The following LAMA2 variants were observed in gnomAD, a reference collection of about 807,000 sequenced individuals.
The protein encoded by LAMA2 is laminin subunit alpha-2.
LAMA2 carries 269 observed loss-of-function variants against 364.8 expected under a neutral mutation model. The observed-to-expected ratio is 0.74, with a 90% CI of 0.67 to 0.82. The LOEUF is 0.82. Among genes scored for constraint, LAMA2 ranks in the 40% least tolerant of loss-of-function variants. The pLI is 0.00. For missense variants in LAMA2, 3,807 were observed against 3,873.2 expected, an observed-to-expected ratio of 0.98 and a Z score of 0.45; for synonymous variants, 1,379 against 1,370.6, an observed-to-expected ratio of 1.01 and a Z score of -0.14.
At chr6:129,241,226 T>G (rs145012568) in intron 12 of LAMA2, among the ~76,000 whole-genome samples, 1 of 152,216 alleles carries the variant, frequency 6.6e-6, no homozygotes, top group Non-Finnish European at 1.5e-5. Context: ...CAGATACTTA[T>G]GCAAGATCTA....
At chr6:128,990,337 ACT>A (rs1783533143) in intron 1 of LAMA2, among the ~76,000 whole-genome samples, 1 of 152,200 alleles carries the variant, frequency 6.6e-6, no homozygotes, top group African/African-American at 2.4e-5. Flanking sequence ...TTGTATTCTA[ACT>A]CACAGGAATA....
chr6:129,393,248 C>T lies in LAMA2; in HGVS notation c.5438C>T (p.Ala1813Val). The change falls in exon 37 of 65, where the codon GCA becomes GTA. Residue 1813 changes from alanine (A) to valine (V), a missense_variant. Around this residue, in one of 3 missense-constraint regions of LAMA2, gnomAD observed 3,333 missense variants for 3,345.7 expected, o/e 1.00. Transcript: ENST00000421865. ...GCAGTAAATCAGAAAAACATGACTGCATTGGAGGTGAGTCTTAGGGGCACT... is the reference window on the plus strand; with the variant it reads ...GCAGTAAATCAGAAAAACATGACTGTATTGGAGGTGAGTCTTAGGGGCACT... ...LFAVNQKNMT[A>V]LEKKKEAVES... 1.2e-6 allele frequency: 2 copies of T among 1,612,296 alleles called. No individual in the cohort carries two copies. The highest frequency in any genetic ancestry group is 1.7e-6 in the Non-Finnish European group (2 of 1,178,514).
chr6:129,410,964 C>G (rs1780512122), intron 40 of LAMA2, among the ~76,000 whole-genome samples: 1 of 152,104 alleles, frequency 6.6e-6, no homozygotes, highest in Non-Finnish European at 1.5e-5. Flanking sequence ...TGTCCCAGCT[C>G]AATCTGTAAG....
chr6:128,894,762 T>C lies in LAMA2; in HGVS notation c.112+11405T>C, dbSNP rs1237228683. Among the ~76,000 whole-genome samples the C allele has an allele frequency of 3.3e-5, 5 of 152,328 alleles. No homozygotes were observed. In the East Asian group the frequency reaches 5.8e-4, roughly 18 times the overall value. ...TCTGGGAGTGTGTGGTGGTGAAAAC[T>C]AAACTGACCACTAGCATGGTTTAGT... On this transcript the variant is annotated intron_variant, in intron 1 of 64. Transcript: ENST00000421865.
intron 40 of LAMA2, among the ~76,000 whole-genome samples, chr6:129,404,614 T>C (rs961773772): frequency 4.6e-5 from 7 of 152,290 alleles, no homozygotes; most frequent in Non-Finnish European, 7.4e-5. Context: ...AGTTGTGTGA[T>C]AGTAAGTTGG....
intron 22 of LAMA2, among the ~76,000 whole-genome samples, chr6:129,307,472 C>T (rs921781403): frequency 1.3e-5 from 2 of 152,192 alleles, no homozygotes; most frequent in African/African-American, 4.8e-5. Context: ...TCAGCAGCCT[C>T]GGCTTCCTCA....
chr6:129,103,673 T>G (rs1359669634), intron 4 of LAMA2, among the ~76,000 whole-genome samples: 2 of 152,212 alleles, frequency 1.3e-5, no homozygotes, highest in Non-Finnish European at 2.9e-5. Flanking sequence ...TTCTGGATTT[T>G]GGGAACCAAT....
intron 1 of LAMA2, among the ~76,000 whole-genome samples, chr6:128,908,266 G>C (rs1777636081): frequency 6.6e-6 from 1 of 151,422 alleles, no homozygotes; most frequent in South Asian, 2.1e-4. Flanking sequence ...ATCTGGTCCT[G>C]GACTCTTTTT....
At chr6:129,465,731 A>G (rs1783509391) in intron 51 of LAMA2, among the ~76,000 whole-genome samples, 2 of 151,998 alleles carry the variant, frequency 1.3e-5, no homozygotes, top group South Asian at 4.1e-4. Flanking sequence ...ATAATTGATC[A>G]ATAGTAACAT....
intron 43 of LAMA2, among the ~76,000 whole-genome samples, chr6:129,441,711 G>T (rs1222273680): frequency 6.6e-6 from 1 of 152,030 alleles, no homozygotes; most frequent in East Asian, 1.9e-4. Context: ...AGGTACAGTG[G>T]TTAACACCTG....
chr6:128,949,125 A>G (rs1780656318), intron 1 of LAMA2, among the ~76,000 whole-genome samples: 1 of 152,226 alleles, frequency 6.6e-6, no homozygotes, highest in African/African-American at 2.4e-5. Flanking sequence ...AGATAAGTCT[A>G]ATTTTAATAT....
intron 1 of LAMA2, among the ~76,000 whole-genome samples, chr6:129,015,776 G>T (rs1270452310): frequency 6.6e-6 from 1 of 151,826 alleles, no homozygotes. Flanking sequence ...TGCATCTTAG[G>T]TTTGCTTAGT....
At position 129,393,063 on chromosome 6, in the gene LAMA2, G is replaced by GA; in HGVS notation, c.5259dup (p.Val1754SerfsTer13). The GA allele has an allele frequency of 6.2e-7, 1 of 1,613,706 alleles. No homozygotes were observed. The highest frequency in any genetic ancestry group is 8.5e-7 in the Non-Finnish European group (1 of 1,179,908). ...GTTACAGAGCTGCAGAAGCCCTTCT[G>GA]AAAAAAGTGAAGAAGCTGTTTGGAG... On this transcript the variant is annotated frameshift_variant, in exon 37 of 65. Transcript: ENST00000421865. LOFTEE classifies it high-confidence loss of function.
At chr6:129,061,010 T>C (rs1336929319) in intron 3 of LAMA2, among the ~76,000 whole-genome samples, 1 of 152,196 alleles carries the variant, frequency 6.6e-6, no homozygotes, top group African/African-American at 2.4e-5. Flanking sequence ...ATGTCAGTCC[T>C]GAGTTAATAA....
chr6:128,970,708 A>C (rs1433657724), intron 1 of LAMA2, among the ~76,000 whole-genome samples: 2 of 152,218 alleles, frequency 1.3e-5, no homozygotes, highest in African/African-American at 4.8e-5. Context: ...CCTTGTCAGG[A>C]AGCTTTTTCT....
chr6:129,264,604 G>A (rs996856956), intron 15 of LAMA2, among the ~76,000 whole-genome samples: 18 of 152,190 alleles, frequency 1.2e-4, no homozygotes, highest in African/African-American at 3.6e-4. Flanking sequence ...GAGAAAAATA[G>A]CCCAGCCCAA....
chr6:129,432,008 G>T (rs140274465), intron 41 of LAMA2, among the ~76,000 whole-genome samples: 1 of 152,184 alleles, frequency 6.6e-6, no homozygotes, highest in Non-Finnish European at 1.5e-5. Context: ...GTGACTAAGG[G>T]ATCCTTTTAT....
chr6:129,269,943 C>G lies in LAMA2; in HGVS notation c.2323-681C>G, dbSNP rs541467863. On this transcript the variant is annotated intron_variant, in intron 16 of 64. Transcript: ENST00000421865. The stretch of plus-strand genomic sequence containing the variant: ...AATAACTTAGAGAAAAGCCTGTTTT[C>G]AAATATCACCAGTTACTACAGAAAT... Among the ~76,000 whole-genome samples, 4 of 152,128 alleles carry G rather than the reference C, an allele frequency of 2.6e-5. No individual in the cohort carries two copies. The South Asian group carries it at 6.2e-4, about 24-fold the overall frequency.
intron 1 of LAMA2, among the ~76,000 whole-genome samples, chr6:128,986,436 A>G (rs1287842405): frequency 6.6e-6 from 1 of 152,176 alleles, no homozygotes; most frequent in Middle Eastern, 3.2e-3. Flanking sequence ...TGGGAAATAT[A>G]TATTTCAAAT....
Sources: gnomAD v4.1 joint callset for allele counts (sites outside exome capture counted in the v4.1 genomes callset) on GRCh38, gnomAD v4.1.1 for gene constraint, gnomAD v4.1.1 regional missense constraint, MANE v1.5 for transcripts, NCBI Gene and HGNC (gene_info 2026-07-23, HGNC 2026-07-21) for gene names.